Variants in PICALM observed in about 807,000 individuals in gnomAD.
PICALM encodes phosphatidylinositol binding clathrin assembly protein.
In PICALM, 40 loss-of-function variants were observed where a neutral mutation model predicts 80.5. That is an observed-to-expected ratio of 0.50 (90% confidence interval 0.39 to 0.65). The LOEUF (loss-of-function observed/expected upper bound fraction) is 0.65. PICALM is among the 30% of genes least tolerant of loss of function. PICALM has a pLI of 0.00. For missense variants in PICALM, 676 were observed against 778.9 expected (o/e 0.87, Z 1.57); for synonymous variants, 288 against 260.3 (o/e 1.11, Z -1.02).
At chr11:86,057,625 A>G (rs943083362) in intron 1 of PICALM, among the ~76,000 whole-genome samples, 6 of 152,194 alleles carry the variant, frequency 3.9e-5, no homozygotes, top group African/African-American at 1.2e-4. Context: ...TTAGCCCTCC[A>G]TATCAATGGG....
intron 1 of PICALM, among the ~76,000 whole-genome samples, chr11:86,050,469 T>C (rs557941463): frequency 6.6e-6 from 1 of 152,304 alleles, no homozygotes; most frequent in Non-Finnish European, 1.5e-5. Flanking sequence ...ATTTCTAATA[T>C]TAAACAGATA....
At chr11:86,028,640 G>C (rs1405061427) in intron 2 of PICALM, among the ~76,000 whole-genome samples, 1 of 152,070 alleles carries the variant, frequency 6.6e-6, no homozygotes, top group African/African-American at 2.4e-5. Flanking sequence ...ACTTACCCAA[G>C]TCACCCAGTT....
At position 86,054,916 on chromosome 11, in the gene PICALM, C is replaced by T. The variant is rs979142686; in HGVS notation, c.130+13735G>A. 3.3e-5 allele frequency among the ~76,000 whole-genome samples: 5 copies of T among 152,182 alleles called. No homozygotes were observed. In the South Asian group the frequency reaches 6.2e-4, roughly 19 times the overall value. The stretch of plus-strand genomic sequence containing the variant: ...CCTCCCAAAGTGCTGGGATTACAGG[C>T]GTGAGCCACTGTGCCTGGCCCACTC... On this transcript the variant is annotated intron_variant, in intron 1 of 19. Transcript: ENST00000393346.
rs544455716 is a variant in PICALM, at chr11:85,984,721, C to T, written c.1409-748G>A. ...AACAGACCTTATTCTTTCTTGCCTG[C>T]GTTACACTAATGCTAGTGGTATTAC... On this transcript the variant is annotated intron_variant, in intron 13 of 19. Coordinates refer to ENST00000393346, the MANE Select transcript of PICALM (RefSeq NM_007166.4). 4.6e-5 allele frequency among the ~76,000 whole-genome samples: 7 copies of T among 152,206 alleles called. No individual in the cohort carries two copies. In the East Asian group the frequency reaches 7.7e-4, roughly 17 times the overall value.
chr11:86,030,571 G>A (rs2095733869), intron 2 of PICALM, among the ~76,000 whole-genome samples: 1 of 152,116 alleles, frequency 6.6e-6, no homozygotes, highest in East Asian at 1.9e-4. Context: ...TAAGTTTATT[G>A]AGCTGAGAAA....
At chr11:85,990,926 G>C (rs1411522713) in intron 12 of PICALM, among the ~76,000 whole-genome samples, 2 of 152,086 alleles carry the variant, frequency 1.3e-5, no homozygotes, top group Admixed American at 6.6e-5. Flanking sequence ...CTAAGGATGG[G>C]GGAAAGAATT....
intron 8 of PICALM, among the ~76,000 whole-genome samples, chr11:86,006,950 ACTTACTGT>A (rs1393202915): frequency 1.3e-5 from 2 of 152,056 alleles, no homozygotes; most frequent in African/African-American, 4.8e-5. Context: ...CCTGTGAACT[ACTTACTGT>A]CTGAGGTAGG....
chr11:85,982,076 T>C (rs2094456026), intron 14 of PICALM, 73 bp from the exon 15 acceptor site: 3 of 1,342,830 alleles, frequency 2.2e-6, no homozygotes, highest in South Asian at 1.2e-5. Flanking sequence ...AAGGAGGTCT[T>C]TGCCTTTTCT....
chr11:86,023,684 G>T, intron 3 of PICALM: 1 of 445,604 alleles, frequency 2.2e-6, no homozygotes, highest in Non-Finnish European at 3.0e-6. Flanking sequence ...GCACTGCTCT[G>T]CATCTTGTTT....
intron 1 of PICALM, among the ~76,000 whole-genome samples, chr11:86,057,002 G>A (rs1353996307): frequency 1.3e-5 from 2 of 152,062 alleles, no homozygotes; most frequent in African/African-American, 2.4e-5. Flanking sequence ...GGTTGCAGGG[G>A]GGCCGAGGAG....
At chr11:85,960,548 A>AGAG (rs920659276) in intron 19 of PICALM, 5 of 389,352 alleles carry the variant, frequency 1.3e-5, no homozygotes, top group African/African-American at 2.2e-5. Flanking sequence ...GAATAGAGGA[A>AGAG]GAGGAGGAGG....
chr11:85,999,249 A>T (rs2136069840), intron 11 of PICALM, among the ~76,000 whole-genome samples: 1 of 152,380 alleles, frequency 6.6e-6, no homozygotes, highest in African/African-American at 2.4e-5. Context: ...ATAGTTGTGT[A>T]GATAGTAGAT....
At chr11:86,028,551 G>C (rs754964614) in intron 2 of PICALM, among the ~76,000 whole-genome samples, 1 of 151,966 alleles carries the variant, frequency 6.6e-6, no homozygotes, top group Non-Finnish European at 1.5e-5. Flanking sequence ...TCTATAACTT[G>C]TCATACTATA....
At chr11:85,981,376 T>C (rs1422328264) in intron 16 of PICALM, 148 bp from the exon 17 acceptor site, 9 of 588,298 alleles carry the variant, frequency 1.5e-5, no homozygotes, top group Non-Finnish European at 2.7e-5. Flanking sequence ...GAGGCCAAGG[T>C]GGACAAATCA....
rs2094227000 is a variant in PICALM, at chr11:85,974,934, C to G, written c.1840-122G>C. On this transcript the variant is annotated intron_variant, in intron 18 of 19. Coordinates refer to ENST00000393346, the MANE Select transcript of PICALM (RefSeq NM_007166.4). The stretch of plus-strand genomic sequence containing the variant: ...CTTTGCTTGACTCAAAGGGTAACTT[C>G]CTCTGAATATAAGTAAGACTAACAG... The G allele has an allele frequency of 7.2e-6, 5 of 699,106 alleles. No homozygotes were observed. In the African/African-American group the frequency reaches 8.8e-5, roughly 12 times the overall value. The allele number at this position is 699,106 out of a possible 1,614,324, so 43.3% of individuals were successfully genotyped here.
At chr11:85,988,442 T>C (rs1334155986) in intron 13 of PICALM, among the ~76,000 whole-genome samples, 1 of 152,154 alleles carries the variant, frequency 6.6e-6, no homozygotes, top group Non-Finnish European at 1.5e-5. Context: ...AAATCCTTCC[T>C]GCATAAATAA....
intron 18 of PICALM, 77 bp downstream of exon 18, chr11:85,976,546 T>C: frequency 6.7e-6 from 6 of 897,408 alleles, no homozygotes; most frequent in Non-Finnish European, 1.1e-5. Flanking sequence ...AATTCTTTTT[T>C]AGGTTAAATT....
rs556314944 is a variant in PICALM at position 85,958,026 on chromosome 11, T to TCCCTC, written c.*1015_*1019dup. ...AAATGTTCAAGGACTTTGCCCCCCT[T>TCCCTC]CCCTCCCCCTTGTAACACCTTCTAG... On this transcript the variant is annotated 3_prime_UTR_variant, in exon 20 of 20. Coordinates refer to ENST00000393346, the MANE Select transcript of PICALM (RefSeq NM_007166.4). 2.2e-3 allele frequency: 497 copies of TCCCTC among 222,678 alleles called. 3 individuals carry two copies. The highest frequency in any genetic ancestry group is 0.011 in the African/African-American group (481 of 44,712). The allele number at this position is 222,678 out of a possible 1,614,324, so 13.8% of individuals were successfully genotyped here. A position where few individuals can be genotyped will look rare whatever the true frequency, so the allele number is the denominator to read the frequency against.
chr11:86,002,404 A>T (rs915542185), intron 9 of PICALM, among the ~76,000 whole-genome samples: 2 of 152,200 alleles, frequency 1.3e-5, no homozygotes, highest in South Asian at 2.1e-4. Context: ...ATGCTGTTTT[A>T]AAAAAAGGTT....
Sources: allele counts gnomAD v4.1 joint callset (sites outside exome capture counted in the v4.1 genomes callset), GRCh38; gene constraint gnomAD v4.1.1; transcripts MANE v1.5; gene names NCBI Gene and HGNC (gene_info 2026-07-23, HGNC 2026-07-21).